Variants in NDUFAF2 observed in about 807,000 individuals in gnomAD.
NDUFAF2 encodes the protein NADH dehydrogenase [ubiquinone] 1 alpha subcomplex assembly factor 2.
A neutral mutation model predicts 22.8 loss-of-function variants in NDUFAF2; 13 were observed. That is an observed-to-expected ratio of 0.57 (90% CI 0.37 to 0.91). The LOEUF is 0.91. NDUFAF2 is among the 40% of genes least tolerant of loss of function. The pLI, the probability that NDUFAF2 is intolerant of heterozygous loss-of-function variation, is 0.01. For synonymous variants in NDUFAF2, 53 were observed against 64.2 expected, an observed-to-expected ratio of 0.83 and a Z score of 0.84; for missense variants, 162 against 195.2, an observed-to-expected ratio of 0.83 and a Z score of 1.01.
intron 1 of NDUFAF2, among the ~76,000 whole-genome samples, chr5:60,961,464 G>A (rs192053632): frequency 2.6e-4 from 40 of 151,980 alleles, no homozygotes; most frequent in Middle Eastern, 3.4e-3. Flanking sequence ...GCATGGTGGC[G>A]GGTGCCTGTA....
At chr5:60,988,145 G>A (rs1250360118) in intron 1 of NDUFAF2, among the ~76,000 whole-genome samples, 1 of 152,076 alleles carries the variant, frequency 6.6e-6, no homozygotes, top group Admixed American at 6.6e-5. Context: ...ACATGCAAGT[G>A]AAGAGCCGTA....
chr5:60,998,205 G>T (rs1751252251), intron 1 of NDUFAF2, among the ~76,000 whole-genome samples: 1 of 152,136 alleles, frequency 6.6e-6, no homozygotes, highest in South Asian at 2.1e-4. Flanking sequence ...TTTTAGTAAG[G>T]CTAATTGTTA....
chr5:61,118,496 A>C (rs2111795346), intron 3 of NDUFAF2, among the ~76,000 whole-genome samples: 1 of 152,336 alleles, frequency 6.6e-6, no homozygotes, highest in Non-Finnish European at 1.5e-5. Context: ...TTTAAAATTA[A>C]GTCAGACTTT....
intron 3 of NDUFAF2, among the ~76,000 whole-genome samples, chr5:61,106,754 A>G (rs1752769412): frequency 6.6e-6 from 1 of 150,382 alleles, no homozygotes; most frequent in Admixed American, 6.6e-5. Flanking sequence ...CATAAGTTCA[A>G]CTCCCACAAA....
chr5:61,112,407 T>A (rs971285285), intron 3 of NDUFAF2, among the ~76,000 whole-genome samples: 4 of 151,954 alleles, frequency 2.6e-5, no homozygotes, highest in Admixed American at 6.6e-5. Context: ...AGAGATGGTG[T>A]TTCACCATGT....
intron 1 of NDUFAF2, among the ~76,000 whole-genome samples, chr5:60,963,361 T>G (rs1459054378): frequency 6.6e-6 from 1 of 152,210 alleles, no homozygotes; most frequent in Admixed American, 6.5e-5. Context: ...AATTCTTGGA[T>G]GTAAATAAGT....
At chr5:60,996,295 A>C (rs895636436) in intron 1 of NDUFAF2, among the ~76,000 whole-genome samples, 21 of 152,146 alleles carry the variant, frequency 1.4e-4, no homozygotes, top group African/African-American at 5.1e-4. Context: ...TCTTCAAGGC[A>C]GGGGGTTTCC....
chr5:61,121,814 T>C lies in NDUFAF2; in HGVS notation c.258+22782T>C, dbSNP rs561425061. On this transcript the variant is annotated intron_variant, in intron 3 of 3. Transcript: ENST00000296597. ...GCCTGAAGACTGGTTTCTTTTCTTT[T>C]CTTTCCTTTTCTTTTCTTTTTTTTT... Among the ~76,000 whole-genome samples the C allele has an allele frequency of 2.0e-3, 304 of 151,194 alleles. 2 individuals carry two copies. Among genetic ancestry groups the C allele is most frequent in the African/African-American group, 7.1e-3 (293 of 41,416 alleles).
chr5:60,978,027 T>G (rs1221100317), intron 1 of NDUFAF2, among the ~76,000 whole-genome samples: 1 of 151,960 alleles, frequency 6.6e-6, no homozygotes, highest in Non-Finnish European at 1.5e-5. Flanking sequence ...GAAAGACTCG[T>G]CCCCCATTCC....
At chr5:61,038,088 A>AAGAGAGAGAG (rs138511749) in intron 1 of NDUFAF2, among the ~76,000 whole-genome samples, 8 of 77,782 alleles carry the variant, frequency 1.0e-4, no homozygotes, top group Non-Finnish European at 1.7e-4. Context: ...GAGGCGGGGG[A>AAGAGAGAGAG]AGAGAGAGAG....
intron 1 of NDUFAF2, among the ~76,000 whole-genome samples, chr5:60,957,355 A>G (rs1750630219): frequency 6.6e-6 from 1 of 152,144 alleles, no homozygotes; most frequent in Non-Finnish European, 1.5e-5. Flanking sequence ...TTTAAACACA[A>G]GCACTCCTGT....
intron 3 of NDUFAF2, among the ~76,000 whole-genome samples, chr5:61,145,316 C>T (rs562282165): frequency 1.3e-5 from 2 of 152,268 alleles, no homozygotes; most frequent in Non-Finnish European, 2.9e-5. Flanking sequence ...CCATTAACTA[C>T]ATTACAAAAA....
chr5:61,151,226 G>T (rs1741234008), intron 3 of NDUFAF2, among the ~76,000 whole-genome samples: 1 of 152,004 alleles, frequency 6.6e-6, no homozygotes, highest in Non-Finnish European at 1.5e-5. Flanking sequence ...AATATTACTT[G>T]AAATTCACTT....
intron 3 of NDUFAF2, among the ~76,000 whole-genome samples, chr5:61,151,608 G>T (rs531324885): frequency 6.6e-6 from 1 of 151,964 alleles, no homozygotes; most frequent in African/African-American, 2.4e-5. Flanking sequence ...GAGAAACCCC[G>T]TTTCTACTAA....
At chr5:61,094,263 A>C (rs1989653) in intron 2 of NDUFAF2, among the ~76,000 whole-genome samples, 21,499 of 151,922 alleles carry the variant, frequency 0.14, 1,826 homozygotes, top group African/African-American at 0.24. Context: ...CCTTTCCTTA[A>C]CTTGGTCTAT....
At chr5:60,959,255 G>A (rs1020845424) in intron 1 of NDUFAF2, among the ~76,000 whole-genome samples, 4 of 151,954 alleles carry the variant, frequency 2.6e-5, no homozygotes, top group Non-Finnish European at 5.9e-5. Context: ...AGACATTTCA[G>A]ATTTTTCCAG....
chr5:61,113,109 A>G (rs4699969), intron 3 of NDUFAF2, among the ~76,000 whole-genome samples: 77,972 of 151,938 alleles, frequency 0.51, 21,482 homozygotes, highest in East Asian at 0.91. Context: ...TACTGTCTTG[A>G]AAGATTATTG....
chr5:61,110,279 T>TC (rs1212833096), intron 3 of NDUFAF2, among the ~76,000 whole-genome samples: 1 of 149,006 alleles, frequency 6.7e-6, no homozygotes, highest in Non-Finnish European at 1.5e-5. Context: ...TTCTTCTTCT[T>TC]TTTTTTTTTA....
rs149677423 is a variant in NDUFAF2, at chr5:61,130,242, A to G, written c.259-22462A>G. On this transcript the variant is annotated intron_variant, in intron 3 of 3. Transcript: ENST00000296597. ...TAACACAAATATCACTTTCCTTGAAATGAGTTATGAATTGCCATCCCAGAG... is the reference window on the plus strand; with the variant it reads ...TAACACAAATATCACTTTCCTTGAAGTGAGTTATGAATTGCCATCCCAGAG... Among the ~76,000 whole-genome samples, 24 of 152,234 alleles carry G rather than the reference A, an allele frequency of 1.6e-4. 1 individual carries two copies. In the East Asian group the frequency reaches 4.2e-3, roughly 27 times the overall value.
Sources: gnomAD v4.1 joint callset for allele counts (sites outside exome capture counted in the v4.1 genomes callset) on GRCh38, gnomAD v4.1.1 for gene constraint, MANE v1.5 for transcripts, NCBI Gene and HGNC (gene_info 2026-07-23, HGNC 2026-07-21) for gene names.